ST8SIA4: variants seen among roughly 807,000 people sequenced by gnomAD.
ST8SIA4 encodes CMP-N-acetylneuraminate-poly-alpha-2,8-sialyltransferase.
ST8SIA4 carries 15 observed loss-of-function variants against 33.9 expected under a neutral mutation model. That is an observed-to-expected ratio of 0.44 (90% confidence interval 0.30 to 0.68). The LOEUF is 0.68. Ranked by LOEUF, ST8SIA4 falls within the 30% of genes least tolerant of loss-of-function variation. ST8SIA4 has a pLI of 0.10. For missense variants in ST8SIA4, 321 were observed against 428.0 expected (o/e 0.75, Z 2.21); for synonymous variants, 171 against 151.2 (o/e 1.13, Z -0.96).
intron 1 of ST8SIA4, among the ~76,000 whole-genome samples, chr5:100,896,125 G>C (rs1483062433): frequency 6.6e-6 from 1 of 151,986 alleles, no homozygotes; most frequent in Non-Finnish European, 1.5e-5. Context: ...TTGAAATCAG[G>C]ATGTCAAAGA....
At position 100,807,219 on chromosome 5, in the gene ST8SIA4, A is replaced by C. The variant is rs1278164615; in HGVS notation, c.*4628T>G. On this transcript the variant is annotated 3_prime_UTR_variant, in exon 5 of 5. Transcript: ENST00000231461. ...GAGAAACAGTGAAAAAAAGGGATTA[A>C]TTTATTTTACAATTTTACAAATGAT... 1 of 152,398 alleles carries C rather than the reference A, an allele frequency of 6.6e-6. No individual in the cohort carries two copies. The highest frequency in any genetic ancestry group is 2.4e-5 in the African/African-American group (1 of 41,442). 9.4% of individuals were successfully genotyped at this position (152,398 alleles called of 1,614,324 possible).
At chr5:100,880,716 G>T (rs1384246348) in intron 3 of ST8SIA4, among the ~76,000 whole-genome samples, 3 of 152,140 alleles carry the variant, frequency 2.0e-5, no homozygotes, top group African/African-American at 4.8e-5. Flanking sequence ...GACAGCAGTG[G>T]ATGTCATGAG....
intron 4 of ST8SIA4, among the ~76,000 whole-genome samples, chr5:100,825,919 CA>C (rs1157465193): frequency 6.6e-6 from 1 of 151,976 alleles, no homozygotes; most frequent in South Asian, 2.1e-4. Flanking sequence ...ATATTAGGGT[CA>C]AAAAATACAA....
chr5:100,891,418 T>C (rs1752662219), intron 2 of ST8SIA4, among the ~76,000 whole-genome samples: 1 of 152,088 alleles, frequency 6.6e-6, no homozygotes, highest in African/African-American at 2.4e-5. Flanking sequence ...TTTGTTTGTT[T>C]TGAAAGATTA....
At chr5:100,844,524 C>T (rs1751528127) in intron 4 of ST8SIA4, among the ~76,000 whole-genome samples, 1 of 151,938 alleles carries the variant, frequency 6.6e-6, no homozygotes, top group South Asian at 2.1e-4. Flanking sequence ...GATTTTACTT[C>T]CTGCACTGGA....
intron 3 of ST8SIA4, among the ~76,000 whole-genome samples, chr5:100,883,425 G>A (rs138707142): frequency 0.017 from 2,575 of 152,278 alleles, 31 homozygotes; most frequent in Admixed American, 0.026. Flanking sequence ...GCTCATAGGC[G>A]GAAGGGACTT....
At chr5:100,876,610 G>T (rs1752313347) in intron 3 of ST8SIA4, among the ~76,000 whole-genome samples, 1 of 151,848 alleles carries the variant, frequency 6.6e-6, no homozygotes, top group Non-Finnish European at 1.5e-5. Context: ...TGCTATTTAA[G>T]GAATCTCGTA....
intron 4 of ST8SIA4, among the ~76,000 whole-genome samples, chr5:100,853,663 G>C (rs1751750067): frequency 6.6e-6 from 1 of 152,166 alleles, no homozygotes; most frequent in Admixed American, 6.5e-5. Flanking sequence ...AAAGATAGGA[G>C]TCTTGTTAAA....
At chr5:100,888,350 G>T (rs747328994) in intron 2 of ST8SIA4, among the ~76,000 whole-genome samples, 1 of 151,826 alleles carries the variant, frequency 6.6e-6, no homozygotes, top group Non-Finnish European at 1.5e-5. Context: ...CAAAGCAGGG[G>T]GTTGTGTTTG....
intron 1 of ST8SIA4, among the ~76,000 whole-genome samples, chr5:100,898,354 TAC>T (rs1212782273): frequency 1.3e-5 from 2 of 152,172 alleles, no homozygotes; most frequent in Non-Finnish European, 2.9e-5. Context: ...GACCTAGAAA[TAC>T]AGATACATTT....
intron 4 of ST8SIA4, among the ~76,000 whole-genome samples, chr5:100,853,027 A>G (rs1398027096): frequency 1.3e-5 from 2 of 152,114 alleles, no homozygotes; most frequent in Admixed American, 1.3e-4. Flanking sequence ...GAGGCAACCA[A>G]CTCCAGTAAT....
chr5:100,853,945 AACTT>A (rs1751755986), intron 4 of ST8SIA4, among the ~76,000 whole-genome samples: 1 of 151,538 alleles, frequency 6.6e-6, no homozygotes, highest in Non-Finnish European at 1.5e-5. Flanking sequence ...TTCTTTCTAA[AACTT>A]AATCTGCTAT....
intron 3 of ST8SIA4, among the ~76,000 whole-genome samples, chr5:100,867,783 A>G (rs1282231502): frequency 6.6e-6 from 1 of 151,994 alleles, no homozygotes; most frequent in Non-Finnish European, 1.5e-5. Context: ...TATTTATTCA[A>G]TACTGAGTCC....
intron 4 of ST8SIA4, among the ~76,000 whole-genome samples, chr5:100,853,852 T>C (rs1006459343): frequency 1.3e-5 from 2 of 152,208 alleles, no homozygotes; most frequent in Non-Finnish European, 2.9e-5. Flanking sequence ...AACCAAAATC[T>C]AGGAAACAAA....
In ST8SIA4 at chr5:100,810,498, A is replaced by G. The variant is rs897075197; in HGVS notation, c.*1349T>C. The G allele has an allele frequency of 1.3e-5, 2 of 152,224 alleles. No individual in the cohort carries two copies. The highest frequency in any genetic ancestry group is 2.4e-5 in the African/African-American group (1 of 41,464). The allele number at this position is 152,224 out of a possible 1,614,324, so 9.4% of individuals were successfully genotyped here. A position where few individuals can be genotyped will look rare whatever the true frequency, so the allele number is the denominator to read the frequency against. ...TGGAAGTCACATTTCAGCTATATCA[A>G]TCTAATATTTATTCTAAAGGGCAAA... On this transcript the variant is annotated 3_prime_UTR_variant, in exon 5 of 5. Coordinates refer to ENST00000231461, the MANE Select transcript of ST8SIA4 (RefSeq NM_005668.6).
At chr5:100,837,481 C>T (rs1433884922) in intron 4 of ST8SIA4, among the ~76,000 whole-genome samples, 1 of 151,884 alleles carries the variant, frequency 6.6e-6, no homozygotes, top group African/African-American at 2.4e-5. Context: ...TTTATTAAGC[C>T]TGAATGTTAA....
At chr5:100,824,200 T>C (rs781661492) in intron 4 of ST8SIA4, among the ~76,000 whole-genome samples, 1 of 152,170 alleles carries the variant, frequency 6.6e-6, no homozygotes, top group Non-Finnish European at 1.5e-5. Context: ...AGTACATTCA[T>C]GTAATATTGT....
intron 3 of ST8SIA4, among the ~76,000 whole-genome samples, chr5:100,870,985 T>C (rs1233527873): frequency 6.6e-6 from 1 of 152,068 alleles, no homozygotes; most frequent in Non-Finnish European, 1.5e-5. Flanking sequence ...AAACTATAAG[T>C]GGTTATTCGT....
At chr5:100,888,668 C>G (rs1406418243) in intron 2 of ST8SIA4, among the ~76,000 whole-genome samples, 1 of 151,846 alleles carries the variant, frequency 6.6e-6, no homozygotes, top group African/African-American at 2.4e-5. Context: ...TAACCTCATC[C>G]CTTGACTCCA....
Sources: gnomAD v4.1 joint callset for allele counts (sites outside exome capture counted in the v4.1 genomes callset) on GRCh38, gnomAD v4.1.1 for gene constraint, MANE v1.5 for transcripts, NCBI Gene and HGNC (gene_info 2026-07-23, HGNC 2026-07-21) for gene names.